Variants in GALNT10 observed in about 807,000 individuals in gnomAD.
GALNT10 encodes the protein polypeptide N-acetylgalactosaminyltransferase 10.
A neutral mutation model predicts 75.0 loss-of-function variants in GALNT10; 41 were observed. The ratio of observed to expected loss-of-function variants is 0.55; its 90% CI spans 0.43 to 0.71. GALNT10 has a LOEUF of 0.71. Ranked by LOEUF, GALNT10 falls within the 30% of genes least tolerant of loss-of-function variation. The probability of loss-of-function intolerance (pLI) is 0.00; values close to 1 mark genes in which losing one functional copy is unlikely to be tolerated. For missense variants in GALNT10, 727 were observed against 818.5 expected, an observed-to-expected ratio of 0.89 and a Z score of 1.36; for synonymous variants, 302 against 313.0, an observed-to-expected ratio of 0.96 and a Z score of 0.37.
intron 4 of GALNT10, among the ~76,000 whole-genome samples, chr5:154,331,361 A>C (rs781554331): frequency 6.6e-6 from 1 of 152,124 alleles, no homozygotes; most frequent in Non-Finnish European, 1.5e-5. Context: ...TGCCTTCCTC[A>C]TCCCATAGTC....
intron 1 of GALNT10, among the ~76,000 whole-genome samples, chr5:154,292,170 G>A (rs1489708198): frequency 8.5e-5 from 13 of 152,190 alleles, no homozygotes; most frequent in Admixed American, 8.5e-4. Flanking sequence ...TGACAACACA[G>A]ATCAGGTAGG....
At chr5:154,321,173 C>T (rs1754667285) in intron 3 of GALNT10, among the ~76,000 whole-genome samples, 1 of 152,196 alleles carries the variant, frequency 6.6e-6, no homozygotes, top group African/African-American at 2.4e-5. Flanking sequence ...ATCCACTATA[C>T]GTTTTGATGC....
chr5:154,259,233 T>G (rs532270), intron 1 of GALNT10, among the ~76,000 whole-genome samples: 37,135 of 152,046 alleles, frequency 0.24, 5,524 homozygotes, highest in African/African-American at 0.42. Context: ...GTTGGCACTT[T>G]GGAAAACAGT....
intron 1 of GALNT10, among the ~76,000 whole-genome samples, chr5:154,269,911 G>A (rs910184649): frequency 2.2e-4 from 33 of 152,190 alleles, no homozygotes; most frequent in African/African-American, 8.0e-4. Context: ...AAGAAGGAAA[G>A]AGTCTGGGCA....
intron 7 of GALNT10, among the ~76,000 whole-genome samples, chr5:154,400,079 A>T (rs1240377812): frequency 6.6e-6 from 1 of 152,184 alleles, no homozygotes; most frequent in Non-Finnish European, 1.5e-5. Context: ...TCAAGGCTTC[A>T]GTAAGCAGTG....
chr5:154,292,690 G>T (rs892091796), intron 1 of GALNT10, among the ~76,000 whole-genome samples: 2 of 152,188 alleles, frequency 1.3e-5, no homozygotes, highest in Admixed American at 6.5e-5. Flanking sequence ...GTTTGCTTGT[G>T]TAGGAAATTT....
chr5:154,305,881 G>A (rs960858563), intron 3 of GALNT10, among the ~76,000 whole-genome samples: 11 of 152,098 alleles, frequency 7.2e-5, no homozygotes, highest in Non-Finnish European at 1.2e-4. Context: ...AGCCAGGCAT[G>A]GTGGCACGTG....
At chr5:154,317,304 A>G (rs1216487868) in intron 3 of GALNT10, among the ~76,000 whole-genome samples, 1 of 152,168 alleles carries the variant, frequency 6.6e-6, no homozygotes, top group Non-Finnish European at 1.5e-5. Flanking sequence ...GTTCTATTTC[A>G]AAGTTTACTC....
At chr5:154,337,461 A>G (rs2113126648) in intron 4 of GALNT10, 1 of 701,676 alleles carries the variant, frequency 1.4e-6, no homozygotes, top group Non-Finnish European at 2.6e-6. Context: ...GTTTTCTTGC[A>G]GTAATTAAAA....
intron 3 of GALNT10, among the ~76,000 whole-genome samples, chr5:154,327,121 A>G (rs1427320645): frequency 6.6e-6 from 1 of 152,130 alleles, no homozygotes; most frequent in African/African-American, 2.4e-5. Context: ...TGGGAGGCTG[A>G]GGTGGGATGG....
chr5:154,197,719 T>A (rs1318803635), intron 1 of GALNT10, among the ~76,000 whole-genome samples: 1 of 152,258 alleles, frequency 6.6e-6, no homozygotes, highest in African/African-American at 2.4e-5. Flanking sequence ...AGGTTGATAA[T>A]GTTAATAGTA....
At chr5:154,290,210 G>A (rs997634399) in intron 1 of GALNT10, among the ~76,000 whole-genome samples, 26 of 148,544 alleles carry the variant, frequency 1.8e-4, no homozygotes, top group African/African-American at 5.5e-4. Flanking sequence ...TACTGCCTCA[G>A]CCTCCCAAAT....
chr5:154,335,278 A>T lies in GALNT10; in HGVS notation c.568+5540A>T, dbSNP rs533131777. Among the ~76,000 whole-genome samples the T allele has an allele frequency of 2.6e-5, 4 of 152,312 alleles. No homozygotes were observed. The South Asian group carries it at 6.2e-4, about 24-fold the overall frequency. ...CATGCTGTACTTTGTGCTATGATAT[A>T]AGAGGAATCAAATAGGCTTCCCTCG... On this transcript the variant is annotated intron_variant, in intron 4 of 11. Transcript: ENST00000297107.
intron 3 of GALNT10, among the ~76,000 whole-genome samples, chr5:154,304,039 A>G (rs1754396068): frequency 6.6e-6 from 1 of 152,230 alleles, no homozygotes; most frequent in Non-Finnish European, 1.5e-5. Context: ...AATATACTGA[A>G]TGGGATTAAT....
At chr5:154,389,622 T>A (rs1755863611) in intron 7 of GALNT10, 1 of 151,792 alleles carries the variant, frequency 6.6e-6, no homozygotes, top group African/African-American at 2.4e-5. Context: ...AAATTTTAAC[T>A]GGGATTATTC....
chr5:154,341,907 G>A (rs574984193), intron 4 of GALNT10, among the ~76,000 whole-genome samples: 9 of 152,206 alleles, frequency 5.9e-5, no homozygotes, highest in African/African-American at 1.4e-4. Context: ...GTCCCACCCC[G>A]TCCTTTCCCC....
rs947425582 is a variant in GALNT10 at position 154,417,849 on chromosome 5, C to T, written c.*877C>T. 1 of 152,190 alleles carries T rather than the reference C, an allele frequency of 6.6e-6. No homozygotes were observed. Among genetic ancestry groups the T allele is most frequent in the African/African-American group, 2.4e-5 (1 of 41,412 alleles). 9.4% of individuals were successfully genotyped at this position (152,190 alleles called of 1,614,324 possible). ...TTGCCCTGATCCATGCTTCCATTTCCCTGTCTCTCTTCCCCAGGCAATTAC... is the reference window on the plus strand; with the variant it reads ...TTGCCCTGATCCATGCTTCCATTTCTCTGTCTCTCTTCCCCAGGCAATTAC... On this transcript the variant is annotated 3_prime_UTR_variant, in exon 12 of 12. Transcript: ENST00000297107.
intron 2 of GALNT10, among the ~76,000 whole-genome samples, chr5:154,296,535 T>C (rs1205859459): frequency 6.6e-6 from 1 of 152,222 alleles, no homozygotes. Context: ...CCTGCATCTG[T>C]CGAACGCTAA....
intron 4 of GALNT10, among the ~76,000 whole-genome samples, chr5:154,354,940 G>A (rs998232049): frequency 2.0e-5 from 3 of 152,192 alleles, no homozygotes; most frequent in African/African-American, 2.4e-5. Flanking sequence ...AAGTCCATGT[G>A]ATAAATTGGA....
Sources: allele counts gnomAD v4.1 joint callset (sites outside exome capture counted in the v4.1 genomes callset), GRCh38; gene constraint gnomAD v4.1.1; transcripts MANE v1.5; gene names NCBI Gene and HGNC (gene_info 2026-07-23, HGNC 2026-07-21).